The following HS6ST3 variants were observed in gnomAD, a reference collection of about 807,000 sequenced individuals.
The protein encoded by HS6ST3 is heparan-sulfate 6-O-sulfotransferase 3.
HS6ST3 carries 12 observed loss-of-function variants against 36.7 expected under a neutral mutation model. The observed-to-expected ratio is 0.33, with a 90% CI of 0.21 to 0.53. The LOEUF (loss-of-function observed/expected upper bound fraction) is 0.53, where lower values mean the gene tolerates loss of function less well. Among genes scored for constraint, HS6ST3 ranks in the 20% least tolerant of loss-of-function variants. The probability of loss-of-function intolerance (pLI) is 0.95; values close to 1 mark genes in which losing one functional copy is unlikely to be tolerated. For missense variants in HS6ST3, 584 were observed against 640.9 expected, an observed-to-expected ratio of 0.91 and a Z score of 0.96; for synonymous variants, 240 against 257.5, an observed-to-expected ratio of 0.93 and a Z score of 0.65.
intron 1 of HS6ST3, among the ~76,000 whole-genome samples, chr13:96,528,260 C>T (rs2056122036): frequency 6.6e-6 from 1 of 152,168 alleles, no homozygotes; most frequent in Non-Finnish European, 1.5e-5. Context: ...GAAACAATAT[C>T]TTACAAATTA....
intron 1 of HS6ST3, among the ~76,000 whole-genome samples, chr13:96,720,386 C>T (rs1875813115): frequency 6.6e-6 from 1 of 151,980 alleles, no homozygotes; most frequent in African/African-American, 2.4e-5. Flanking sequence ...CTGAATTAGC[C>T]CCTTAAAGCC....
intron 1 of HS6ST3, among the ~76,000 whole-genome samples, chr13:96,229,980 A>G (rs1250643103): frequency 6.6e-6 from 1 of 152,232 alleles, no homozygotes; most frequent in African/African-American, 2.4e-5. Context: ...TCTACAGTAC[A>G]TGCGGAGTTA....
intron 1 of HS6ST3, among the ~76,000 whole-genome samples, chr13:96,463,369 G>C (rs1461432702): frequency 6.6e-6 from 1 of 152,122 alleles, no homozygotes; most frequent in Non-Finnish European, 1.5e-5. Flanking sequence ...AGAGGTAAAT[G>C]TAAATGTAGC....
intron 1 of HS6ST3, among the ~76,000 whole-genome samples, chr13:96,483,478 G>T (rs752094465): frequency 1.5e-3 from 226 of 152,246 alleles, no homozygotes; most frequent in South Asian, 1.2e-3. Flanking sequence ...TCCCTGCAAG[G>T]TCATATGAAG....
intron 1 of HS6ST3, among the ~76,000 whole-genome samples, chr13:96,115,319 G>A (rs755927987): frequency 1.3e-5 from 2 of 152,154 alleles, no homozygotes; most frequent in African/African-American, 2.4e-5. Flanking sequence ...CGTACAGAAT[G>A]TACAGGTTTG....
At chr13:96,329,927 C>T (rs2139419791) in intron 1 of HS6ST3, among the ~76,000 whole-genome samples, 1 of 149,304 alleles carries the variant, frequency 6.7e-6, no homozygotes, top group Admixed American at 6.7e-5. Flanking sequence ...ATCCTTTTAC[C>T]ATTATGTAAT....
rs916294672 is a variant in HS6ST3 at position 96,835,517 on chromosome 13, C to G, written c.*2319C>G. On this transcript the variant is annotated 3_prime_UTR_variant, in exon 2 of 2. Coordinates refer to ENST00000376705, the MANE Select transcript of HS6ST3 (RefSeq NM_153456.4). Reference sequence around the variant, plus strand: ...GATTAATGTTCGTCTCTCTCTCTCTCTCTCTCTAGCTTCTCATCTCATTGT... The same window carrying G: ...GATTAATGTTCGTCTCTCTCTCTCTGTCTCTCTAGCTTCTCATCTCATTGT... 1.3e-5 allele frequency: 2 copies of G among 151,790 alleles called. No individual in the cohort carries two copies. The highest frequency in any genetic ancestry group is 4.8e-5 in the African/African-American group (2 of 41,254). 9.4% of individuals were successfully genotyped at this position (151,790 alleles called of 1,614,324 possible). A position where few individuals can be genotyped will look rare whatever the true frequency, so the allele number is the denominator to read the frequency against.
At chr13:96,268,270 A>G (rs143275380) in intron 1 of HS6ST3, among the ~76,000 whole-genome samples, 2,205 of 152,116 alleles carry the variant, frequency 0.014, 31 homozygotes, top group East Asian at 0.054. Flanking sequence ...AAAGAGGTTT[A>G]ATTGACTCAC....
chr13:96,485,370 A>G (rs1309507483), intron 1 of HS6ST3, among the ~76,000 whole-genome samples: 3 of 152,080 alleles, frequency 2.0e-5, no homozygotes, highest in South Asian at 2.1e-4. Context: ...TGTGTTTTCA[A>G]TGTCAAATTC....
At chr13:96,577,988 A>G (rs2056328001) in intron 1 of HS6ST3, among the ~76,000 whole-genome samples, 1 of 152,206 alleles carries the variant, frequency 6.6e-6, no homozygotes, top group South Asian at 2.1e-4. Context: ...ATTTAAGAAA[A>G]TGAATAGAAG....
intron 1 of HS6ST3, among the ~76,000 whole-genome samples, chr13:96,295,956 A>G (rs2054852981): frequency 1.3e-5 from 2 of 152,104 alleles, no homozygotes; most frequent in South Asian, 4.1e-4. Flanking sequence ...GCTATTATCA[A>G]ATCTTTGAGA....
At chr13:96,736,133 T>C (rs988199719) in intron 1 of HS6ST3, among the ~76,000 whole-genome samples, 1 of 152,122 alleles carries the variant, frequency 6.6e-6, no homozygotes, top group African/African-American at 2.4e-5. Context: ...GCTTAATACC[T>C]GGGTGATGAA....
In HS6ST3 at chr13:96,779,932, G is replaced by A. The variant is rs187043965; in HGVS notation, c.708-52558G>A. Among the ~76,000 whole-genome samples, 34 of 152,304 alleles carry A rather than the reference G, an allele frequency of 2.2e-4. 1 individual carries two copies. Among genetic ancestry groups the A allele is most frequent in the Middle Eastern group, 3.4e-3 (1 of 294 alleles). Reference sequence around the variant, plus strand: ...CAGATTGGAATGCTGTTAGTGGAATGTATTGCTGAATGGCATGATTATTTT... The same window carrying A: ...CAGATTGGAATGCTGTTAGTGGAATATATTGCTGAATGGCATGATTATTTT... On this transcript the variant is annotated intron_variant, in intron 1 of 1. Coordinates refer to ENST00000376705, the MANE Select transcript of HS6ST3 (RefSeq NM_153456.4).
chr13:96,223,573 A>T (rs2054466010), intron 1 of HS6ST3, among the ~76,000 whole-genome samples: 1 of 152,038 alleles, frequency 6.6e-6, no homozygotes, highest in Non-Finnish European at 1.5e-5. Context: ...GATGGACCAG[A>T]GCAATTGCTT....
At chr13:96,595,983 T>C (rs1287078581) in intron 1 of HS6ST3, among the ~76,000 whole-genome samples, 3 of 152,150 alleles carry the variant, frequency 2.0e-5, no homozygotes, top group African/African-American at 7.2e-5. Flanking sequence ...ATACACGTGG[T>C]TTTTGATTAC....
chr13:96,131,296 C>A (rs1349901828), intron 1 of HS6ST3, among the ~76,000 whole-genome samples: 1 of 151,952 alleles, frequency 6.6e-6, no homozygotes, highest in Non-Finnish European at 1.5e-5. Flanking sequence ...TCCATTTATT[C>A]TTTAGAATGT....
chr13:96,171,088 T>G lies in HS6ST3; in HGVS notation c.707+79519T>G, dbSNP rs188576713. Among the ~76,000 whole-genome samples the G allele has an allele frequency of 1.6e-3, 239 of 152,346 alleles. 1 individual carries two copies. Among genetic ancestry groups the G allele is most frequent in the Admixed American group, 3.2e-3 (49 of 15,310 alleles). On this transcript the variant is annotated intron_variant, in intron 1 of 1. Transcript: ENST00000376705. The stretch of plus-strand genomic sequence containing the variant: ...TTTATGAAGAAATGTTGAAGCTATA[T>G]TTTTGGTGAAGACCACAAAATCCCA...
intron 1 of HS6ST3, among the ~76,000 whole-genome samples, chr13:96,152,438 C>T (rs1401772819): frequency 1.3e-5 from 2 of 150,540 alleles, no homozygotes; most frequent in African/African-American, 4.9e-5. Flanking sequence ...CCCGGGTTCT[C>T]GCCATTCTCC....
In HS6ST3 at chr13:96,530,721, A is replaced by G. The variant is rs547931221; in HGVS notation, c.708-301769A>G. Among the ~76,000 whole-genome samples, 8 of 152,154 alleles carry G rather than the reference A, an allele frequency of 5.3e-5. No homozygotes were observed. In the East Asian group the frequency reaches 1.5e-3, roughly 29 times the overall value. On this transcript the variant is annotated intron_variant, in intron 1 of 1. Transcript: ENST00000376705. ...TACGTCTTTGAAATCTATTCCCTCC[A>G]TTCTATTTCCAGCAACAGTTTGGTC...
Sources: gnomAD v4.1 joint callset for allele counts (sites outside exome capture counted in the v4.1 genomes callset) on GRCh38, gnomAD v4.1.1 for gene constraint, MANE v1.5 for transcripts, NCBI Gene and HGNC (gene_info 2026-07-23, HGNC 2026-07-21) for gene names.